The following RPRD2 variants were observed in gnomAD, a reference collection of about 807,000 sequenced individuals.
RPRD2 encodes regulation of nuclear pre-mRNA domain-containing protein 2.
Under a neutral mutation model 104.4 loss-of-function variants are expected in RPRD2, and 12 were observed. The ratio of observed to expected loss-of-function variants is 0.11; its 90% CI spans 0.07 to 0.19. The LOEUF is 0.19. Among genes scored for constraint, RPRD2 ranks in the 10% least tolerant of loss-of-function variants. The probability of loss-of-function intolerance (pLI) is 1.00; values close to 1 mark genes in which losing one functional copy is unlikely to be tolerated. For missense variants in RPRD2, 1,543 were observed against 1,790.1 expected (o/e 0.86, Z 2.49); for synonymous variants, 714 against 684.9 (o/e 1.04, Z -0.66).
At chr1:150,393,748 A>T (rs1403875883) in intron 1 of RPRD2, among the ~76,000 whole-genome samples, 2 of 152,136 alleles carry the variant, frequency 1.3e-5, no homozygotes, top group African/African-American at 2.4e-5. Flanking sequence ...GTTTAACCTG[A>T]ACCTACTCTT....
intron 6 of RPRD2, 68 bp from the exon 7 acceptor site, chr1:150,446,158 A>G (rs1666759812): frequency 8.5e-7 from 1 of 1,173,812 alleles, no homozygotes; most frequent in African/African-American, 1.6e-5. Flanking sequence ...TTTTCTTCAA[A>G]AGTCAAAAGA....
chr1:150,463,556 C>G (rs1668076877), intron 9 of RPRD2, among the ~76,000 whole-genome samples: 1 of 151,990 alleles, frequency 6.6e-6, no homozygotes, highest in African/African-American at 2.4e-5. Flanking sequence ...ACTTAAGTTT[C>G]TTTGTGAAAT....
intron 1 of RPRD2, among the ~76,000 whole-genome samples, chr1:150,387,639 T>C (rs1281357095): frequency 7.8e-6 from 1 of 127,450 alleles, no homozygotes; most frequent in Non-Finnish European, 1.6e-5. Flanking sequence ...TCACCCAGGC[T>C]GGAGTGCAGT....
At chr1:150,394,584 G>GT (rs199537877) in intron 1 of RPRD2, among the ~76,000 whole-genome samples, 88 of 151,270 alleles carry the variant, frequency 5.8e-4, no homozygotes, top group Admixed American at 1.3e-3. Flanking sequence ...TTTTTGTGGA[G>GT]TTTTTTTTTG....
At chr1:150,403,821 A>G (rs749813023) in intron 1 of RPRD2, among the ~76,000 whole-genome samples, 1 of 151,708 alleles carries the variant, frequency 6.6e-6, no homozygotes, top group Non-Finnish European at 1.5e-5. Flanking sequence ...TTTAGTAGAG[A>G]TGGGATTTCG....
chr1:150,427,176 G>T (rs897083670), intron 2 of RPRD2, among the ~76,000 whole-genome samples: 15 of 139,604 alleles, frequency 1.1e-4, no homozygotes, highest in Non-Finnish European at 2.2e-4. Flanking sequence ...TTTTAAAAAA[G>T]AAAAACAAAG....
Position 150,394,092 on chromosome 1 carries a change from C to G in RPRD2, c.206-23504C>G, listed in dbSNP as rs587722850. 1.5e-3 allele frequency among the ~76,000 whole-genome samples: 224 copies of G among 152,160 alleles called. 7 individuals carry two copies. Among genetic ancestry groups the G allele is most frequent in the South Asian group, 6.2e-3 (30 of 4,822 alleles). ...ACGGAATTTCACTCTTAAAAGTTGC[C>G]CAGGCTGGAGTGCAATGGCGCGATC... On this transcript the variant is annotated intron_variant, in intron 1 of 10. Transcript: ENST00000369068.
chr1:150,396,128 A>ATATG, intron 1 of RPRD2, among the ~76,000 whole-genome samples: 1 of 149,308 alleles, frequency 6.7e-6, no homozygotes, highest in Non-Finnish European at 1.5e-5. Flanking sequence ...TTTGTTTGAC[A>ATATG]TTTGTATGCC....
chr1:150,416,895 A>G (rs1299821336), intron 1 of RPRD2, among the ~76,000 whole-genome samples: 2 of 148,740 alleles, frequency 1.3e-5, no homozygotes, highest in Non-Finnish European at 3.0e-5. Flanking sequence ...AAAAAAACAA[A>G]AAGAAGAAGA....
At chr1:150,376,732 C>T (rs1363707731) in intron 1 of RPRD2, among the ~76,000 whole-genome samples, 13 of 151,332 alleles carry the variant, frequency 8.6e-5, no homozygotes, top group African/African-American at 3.2e-4. Flanking sequence ...GATCTCCTGA[C>T]CTCGTGATCC....
At chr1:150,385,881 TTTC>T (rs1475045419) in intron 1 of RPRD2, among the ~76,000 whole-genome samples, 3 of 152,200 alleles carry the variant, frequency 2.0e-5, no homozygotes, top group African/African-American at 7.2e-5. Flanking sequence ...AGAGGGCTTT[TTTC>T]CCCCTTGGGT....
chr1:150,438,423 C>T (rs1666169447), intron 2 of RPRD2, among the ~76,000 whole-genome samples: 1 of 152,112 alleles, frequency 6.6e-6, no homozygotes, highest in East Asian at 1.9e-4. Context: ...GTCGGGAGTT[C>T]AAGACCAGCC....
intron 7 of RPRD2, among the ~76,000 whole-genome samples, chr1:150,447,125 G>A (rs111617892): frequency 0.048 from 7,246 of 150,994 alleles, 434 homozygotes; most frequent in African/African-American, 0.13. Context: ...AGGAGCCACC[G>A]TGCCCGGCCC....
chr1:150,471,284 C>T lies in RPRD2; in HGVS notation c.2336C>T (p.Pro779Leu), dbSNP rs780003986. 2.4e-5 allele frequency: 38 copies of T among 1,612,930 alleles called. No homozygotes were observed. Among genetic ancestry groups the T allele is most frequent in the Non-Finnish European group, 3.1e-5 (37 of 1,179,620 alleles). Reference sequence around the variant, plus strand: ...CCCCCTGGGAGAGATGAAAGCTACCCCCGAGAGCTCTCCAATTCTGTATCT... The same window carrying T: ...CCCCCTGGGAGAGATGAAAGCTACCTCCGAGAGCTCTCCAATTCTGTATCT... The part of the protein sequence containing the change: ...SPPPGRDESY[P>L]RELSNSVSTY... Residue 779 changes from proline (P) to leucine (L), a missense_variant, in exon 11 of 11, where the codon CCC becomes CTC. Coordinates refer to ENST00000369068, the MANE Select transcript of RPRD2 (RefSeq NM_015203.5). The surrounding 1 kb of genome is among the most constrained non-coding windows in gnomAD (Gnocchi z 5.3).
chr1:150,462,460 AAC>A, intron 9 of RPRD2, among the ~76,000 whole-genome samples: 1 of 142,126 alleles, frequency 7.0e-6, no homozygotes, highest in Non-Finnish European at 1.5e-5. Context: ...AAAAACAAAA[AAC>A]AAAAAAAAAA....
intron 1 of RPRD2, among the ~76,000 whole-genome samples, chr1:150,391,919 A>AT (rs1662103464): frequency 6.6e-6 from 1 of 151,408 alleles, no homozygotes. Flanking sequence ...AAAAATAAAA[A>AT]TAAAAAAAAG....
intron 2 of RPRD2, among the ~76,000 whole-genome samples, chr1:150,430,525 G>T (rs12144835): frequency 6.8e-4 from 103 of 152,276 alleles, no homozygotes; most frequent in South Asian, 5.8e-3. Context: ...AATTAGGCAG[G>T]TGTGGTGGTG....
At chr1:150,389,895 G>A (rs587769068) in intron 1 of RPRD2, among the ~76,000 whole-genome samples, 1 of 152,224 alleles carries the variant, frequency 6.6e-6, no homozygotes, top group South Asian at 2.1e-4. Context: ...GAAGGCAAAC[G>A]CTCACATCAG....
chr1:150,472,894 G>A lies in RPRD2; in HGVS notation c.3946G>A (p.Gly1316Arg), dbSNP rs759233842. Residue 1316 changes from glycine (G) to arginine (R), a missense_variant, in exon 11 of 11, where the codon GGA becomes AGA. Around this residue, in one of 4 missense-constraint regions of RPRD2, gnomAD observed 880 missense variants for 885.6 expected, o/e 0.99. Transcript: ENST00000369068. ...PFPAPPLAEH[G>R]VAGAVAVFPK... ...CCCAGCCCCACCACTGGCAGAGCAC[G>A]GAGTGGCAGGGGCTGTGGCAGTATT... 66 of 1,613,242 alleles carry A rather than the reference G, an allele frequency of 4.1e-5. No individual in the cohort carries two copies. Among genetic ancestry groups the A allele is most frequent in the Non-Finnish European group, 5.1e-5 (60 of 1,179,584 alleles).
Sources: gnomAD v4.1 joint callset for allele counts (sites outside exome capture counted in the v4.1 genomes callset) on GRCh38, gnomAD v4.1.1 for gene constraint, gnomAD v4.1.1 regional missense constraint, Gnocchi (gnomAD v3.1) non-coding constraint, MANE v1.5 for transcripts, NCBI Gene and HGNC (gene_info 2026-07-23, HGNC 2026-07-21) for gene names.